CTNNA3: variants seen among roughly 807,000 people sequenced by gnomAD.
CTNNA3 encodes catenin alpha-3.
In CTNNA3, 76 loss-of-function variants were observed where a neutral mutation model predicts 95.7. That is an observed-to-expected ratio of 0.79 (90% CI 0.66 to 0.96). The LOEUF is 0.96. Ranked by LOEUF, CTNNA3 falls within the 40% of genes least tolerant of loss-of-function variation. CTNNA3 has a pLI of 0.00. For synonymous variants in CTNNA3, 431 were observed against 374.4 expected (o/e 1.15, Z -1.74); for missense variants, 1,191 against 1,089.8 (o/e 1.09, Z -1.31).
chr10:66,905,697 G>A (rs565351366), intron 7 of CTNNA3, among the ~76,000 whole-genome samples: 1 of 152,180 alleles, frequency 6.6e-6, no homozygotes, highest in East Asian at 1.9e-4. Flanking sequence ...AAAAACAGAA[G>A]GAAATTTTGC....
intron 7 of CTNNA3, among the ~76,000 whole-genome samples, chr10:66,862,031 A>G (rs1276023877): frequency 6.6e-6 from 1 of 152,100 alleles, no homozygotes; most frequent in Non-Finnish European, 1.5e-5. Context: ...CCAGACTGAT[A>G]TGGTGAAAAA....
At chr10:67,097,553 T>C in intron 7 of CTNNA3, 1 of 1,586,706 alleles carries the variant, frequency 6.3e-7, no homozygotes, top group Non-Finnish European at 8.6e-7. Context: ...TCCATATTTT[T>C]ATAACTGACT....
intron 13 of CTNNA3, among the ~76,000 whole-genome samples, chr10:66,228,557 T>C (rs897527021): frequency 2.0e-5 from 3 of 152,132 alleles, no homozygotes; most frequent in Admixed American, 2.0e-4. Context: ...ATTTTTAAAT[T>C]TATTAGGATT....
chr10:66,474,022 T>A (rs545371293), intron 11 of CTNNA3, among the ~76,000 whole-genome samples: 17 of 152,144 alleles, frequency 1.1e-4, no homozygotes, highest in Non-Finnish European at 2.1e-4. Context: ...ATCCTTTGGG[T>A]ATATACCCAG....
intron 7 of CTNNA3, among the ~76,000 whole-genome samples, chr10:66,798,574 G>A (rs1009418406): frequency 6.6e-6 from 1 of 150,978 alleles, no homozygotes; most frequent in African/African-American, 2.4e-5. Flanking sequence ...TAGTTCTTTC[G>A]ACATCTAATT....
rs575464590 is a variant in CTNNA3, at chr10:67,603,994, T to C, written c.292+2863A>G. ...TTAATTTTTTATACCATATTTTTAC[T>C]GTGTCTTTTCTATGTTTAGATATAC... is the stretch of plus-strand genomic sequence containing the variant. On this transcript the variant is annotated intron_variant, in intron 3 of 17. Transcript: ENST00000433211. 5.1e-4 allele frequency among the ~76,000 whole-genome samples: 78 copies of C among 152,324 alleles called. 1 individual carries two copies. The highest frequency in any genetic ancestry group is 1.6e-3 in the African/African-American group (68 of 41,574).
At chr10:67,533,323 C>CAA (rs34612488) in intron 4 of CTNNA3, among the ~76,000 whole-genome samples, 26 of 112,982 alleles carry the variant, frequency 2.3e-4, no homozygotes, top group South Asian at 8.3e-4. Flanking sequence ...ATCTCTGTCT[C>CAA]AAAAAAAAAA....
intron 6 of CTNNA3, among the ~76,000 whole-genome samples, chr10:67,208,750 T>C (rs1864012846): frequency 6.6e-6 from 1 of 152,134 alleles, no homozygotes; most frequent in Middle Eastern, 3.2e-3. Context: ...AAAGAGACAT[T>C]AACTTTTTTC....
intron 11 of CTNNA3, among the ~76,000 whole-genome samples, chr10:66,384,844 G>A (rs1284806171): frequency 6.6e-6 from 1 of 152,042 alleles, no homozygotes; most frequent in East Asian, 1.9e-4. Context: ...AATGACTACT[G>A]GGTACATAAC....
chr10:67,289,944 C>T (rs1043966059), intron 5 of CTNNA3, among the ~76,000 whole-genome samples: 11 of 151,558 alleles, frequency 7.3e-5, no homozygotes, highest in Admixed American at 6.6e-5. Flanking sequence ...GGACTGCAGG[C>T]ATATACCACA....
At chr10:66,474,726 G>A (rs1441912642) in intron 11 of CTNNA3, among the ~76,000 whole-genome samples, 1 of 151,872 alleles carries the variant, frequency 6.6e-6, no homozygotes, top group Admixed American at 6.6e-5. Context: ...TTGTCTTTTA[G>A]ATAATAACCA....
intron 10 of CTNNA3, among the ~76,000 whole-genome samples, chr10:66,612,708 G>A (rs1013182491): frequency 6.6e-6 from 1 of 152,086 alleles, no homozygotes; most frequent in African/African-American, 2.4e-5. Flanking sequence ...AAGAAACAAC[G>A]TGGCTTAGAC....
At chr10:67,509,236 C>G (rs953571031) in intron 5 of CTNNA3, among the ~76,000 whole-genome samples, 1 of 150,984 alleles carries the variant, frequency 6.6e-6, no homozygotes, top group Non-Finnish European at 1.5e-5. Context: ...TACATGTGCA[C>G]AATGTGCAGG....
At chr10:66,045,586 C>T (rs1167746319) in intron 15 of CTNNA3, among the ~76,000 whole-genome samples, 1 of 152,134 alleles carries the variant, frequency 6.6e-6, no homozygotes, top group African/African-American at 2.4e-5. Flanking sequence ...GCTCTAACTC[C>T]TGCTTAAAAG....
chr10:66,480,899 G>T (rs1839500246), intron 11 of CTNNA3, among the ~76,000 whole-genome samples: 1 of 152,024 alleles, frequency 6.6e-6, no homozygotes. Context: ...CACCATGCCT[G>T]GCCTAATTTA....
At chr10:67,632,088 T>G (rs1297382354) in intron 2 of CTNNA3, among the ~76,000 whole-genome samples, 1 of 150,862 alleles carries the variant, frequency 6.6e-6, no homozygotes, top group African/African-American at 2.4e-5. Flanking sequence ...TATTCTTTAC[T>G]TGAAATTTGA....
Position 67,677,316 on chromosome 10 carries a change from TGGCA to T in CTNNA3, c.-6+18680_-6+18683del, listed in dbSNP as rs1840553361. Among the ~76,000 whole-genome samples, 4 of 152,202 alleles carry T rather than the reference TGGCA, an allele frequency of 2.6e-5. No individual in the cohort carries two copies. In the South Asian group the frequency reaches 8.3e-4, roughly 32 times the overall value. On this transcript the variant is annotated intron_variant, in intron 1 of 17. Transcript: ENST00000433211. ...TTCAGATAAACAAAGAATAATTTTT[TGGCA>T]TAAGTATGCCCTATGCAATATTTGG...
At chr10:67,687,452 A>G (rs1840755664) in intron 1 of CTNNA3, among the ~76,000 whole-genome samples, 1 of 152,094 alleles carries the variant, frequency 6.6e-6, no homozygotes, top group Non-Finnish European at 1.5e-5. Context: ...CAGGTGATTG[A>G]CCTGCTCTAT....
chr10:65,958,248 G>A (rs906084239), intron 17 of CTNNA3, among the ~76,000 whole-genome samples: 1 of 151,984 alleles, frequency 6.6e-6, no homozygotes, highest in Non-Finnish European at 1.5e-5. Context: ...GTCATTTAAG[G>A]TCTTCTCTAT....
Sources: gnomAD v4.1 joint callset for allele counts (sites outside exome capture counted in the v4.1 genomes callset) on GRCh38, gnomAD v4.1.1 for gene constraint, MANE v1.5 for transcripts, NCBI Gene and HGNC (gene_info 2026-07-23, HGNC 2026-07-21) for gene names.